SLC6A2: variants seen among roughly 807,000 people sequenced by gnomAD.
The protein encoded by SLC6A2 is sodium-dependent noradrenaline transporter.
A neutral mutation model predicts 71.7 loss-of-function variants in SLC6A2; 26 were observed. The ratio of observed to expected loss-of-function variants is 0.36; its 90% CI spans 0.27 to 0.50. The LOEUF is 0.50. Ranked by LOEUF, SLC6A2 falls within the 20% of genes least tolerant of loss-of-function variation. SLC6A2 has a pLI of 0.96. For missense variants in SLC6A2, 581 were observed against 803.9 expected, an observed-to-expected ratio of 0.72 and a Z score of 3.35; for synonymous variants, 363 against 337.9, an observed-to-expected ratio of 1.07 and a Z score of -0.82.
intron 4 of SLC6A2, among the ~76,000 whole-genome samples, chr16:55,681,803 G>A (rs1965280308): frequency 6.6e-6 from 1 of 152,246 alleles, no homozygotes; most frequent in Admixed American, 6.5e-5. Flanking sequence ...CCCTGCAGGT[G>A]TGTACAATGT....
intron 13 of SLC6A2, among the ~76,000 whole-genome samples, chr16:55,701,017 A>T (rs1203439903): frequency 6.6e-6 from 1 of 152,208 alleles, no homozygotes; most frequent in Non-Finnish European, 1.5e-5. Flanking sequence ...CAAAACAAAG[A>T]TGATTTCATT....
chr16:55,685,553 G>A (rs34417293), intron 5 of SLC6A2, among the ~76,000 whole-genome samples: 40,164 of 152,000 alleles, frequency 0.26, 6,125 homozygotes, highest in Admixed American at 0.34. Flanking sequence ...CTCCCTAATA[G>A]CAGAGACCAG....
intron 4 of SLC6A2, among the ~76,000 whole-genome samples, chr16:55,678,113 C>T (rs1965153285): frequency 6.6e-6 from 1 of 152,206 alleles, no homozygotes; most frequent in South Asian, 2.1e-4. Flanking sequence ...TTAATCTTCA[C>T]AGTTCATGGA....
intron 2 of SLC6A2, among the ~76,000 whole-genome samples, chr16:55,665,215 G>A (rs1964717176): frequency 6.6e-6 from 1 of 152,158 alleles, no homozygotes; most frequent in African/African-American, 2.4e-5. Flanking sequence ...TACTACAAAG[G>A]TCTCTTTGTC....
intron 13 of SLC6A2, 49 bp from the exon 14 acceptor site, chr16:55,701,814 G>A (rs1965978772): frequency 1.4e-6 from 2 of 1,442,452 alleles, no homozygotes; most frequent in African/African-American, 1.4e-5. Context: ...GCTGCCAGAA[G>A]GGTGTCCCTG....
At chr16:55,677,729 G>T (rs569494685) in intron 4 of SLC6A2, among the ~76,000 whole-genome samples, 1 of 151,900 alleles carries the variant, frequency 6.6e-6, no homozygotes, top group East Asian at 1.9e-4. Context: ...GCACAGTCTC[G>T]GCTCAATGCA....
rs1210362696 is a variant in SLC6A2, at chr16:55,706,167, A to G, written c.*3821A>G. 2 of 152,258 alleles carry G rather than the reference A, an allele frequency of 1.3e-5. No homozygotes were observed. The highest frequency in any genetic ancestry group is 2.4e-5 in the African/African-American group (1 of 41,470). The allele number at this position is 152,258 out of a possible 1,614,324, so 9.4% of individuals were successfully genotyped here. Reference sequence around the variant, plus strand: ...TTGTGGAATATAAGTGTACAGAATAATAAATAATGTTTCCTGGGCTGTGTA... The same window carrying G: ...TTGTGGAATATAAGTGTACAGAATAGTAAATAATGTTTCCTGGGCTGTGTA... On this transcript the variant is annotated 3_prime_UTR_variant, in exon 15 of 15. Transcript: ENST00000568943.
At chr16:55,665,018 G>T (rs2142497034) in intron 2 of SLC6A2, among the ~76,000 whole-genome samples, 1 of 152,292 alleles carries the variant, frequency 6.6e-6, no homozygotes, top group South Asian at 2.1e-4. Context: ...GGGCTGTGCT[G>T]CGGGAGGTGG....
rs754577163 is a variant in SLC6A2, at chr16:55,695,287, G to C, written c.1032G>C (p.Leu344=). The C allele has an allele frequency of 4.6e-5, 74 of 1,614,060 alleles. No homozygotes were observed. The highest frequency in any genetic ancestry group is 6.0e-5 in the Non-Finnish European group (71 of 1,180,026). Residue 344 remains leucine (L), a synonymous_variant, in exon 8 of 15, where the codon CTG becomes CTC. Coordinates refer to ENST00000568943, the MANE Select transcript of SLC6A2 (RefSeq NM_001172501.3). ...KFDNNCYRDA[L]LTSSINCITS... ...GTGCTTCTTCCCCCAGGGATGCCCT[G>C]CTGACCAGCAGCATCAACTGTATCA... is the stretch of plus-strand genomic sequence containing the variant.
intron 4 of SLC6A2, among the ~76,000 whole-genome samples, chr16:55,678,244 C>T (rs760817774): frequency 6.6e-6 from 1 of 152,018 alleles, no homozygotes; most frequent in Non-Finnish European, 1.5e-5. Context: ...GCCGCCCTTG[C>T]CCTTTCTGGC....
At chr16:55,698,229 G>A (rs1965861044) in intron 10 of SLC6A2, among the ~76,000 whole-genome samples, 1 of 152,104 alleles carries the variant, frequency 6.6e-6, no homozygotes, top group African/African-American at 2.4e-5. Flanking sequence ...ATTCAGCCCT[G>A]TTAATTGCTT....
chr16:55,693,521 T>G (rs1193605403), intron 6 of SLC6A2, among the ~76,000 whole-genome samples: 1 of 152,238 alleles, frequency 6.6e-6, no homozygotes, highest in Non-Finnish European at 1.5e-5. Flanking sequence ...TCTTCAGGCC[T>G]CCGGCCATGT....
In SLC6A2 at chr16:55,690,983, C is replaced by T. The variant is rs146966590; in HGVS notation, c.784-935C>T. ...CCTTTGTGTGTTTCTGAATAAGGTA[C>T]GTTGTCTGTGTCCCACATCTGTTCC... On this transcript the variant is annotated intron_variant, in intron 5 of 14. Transcript: ENST00000568943. Among the ~76,000 whole-genome samples, 834 of 152,092 alleles carry T rather than the reference C, an allele frequency of 5.5e-3. 5 individuals carry two copies. The highest frequency in any genetic ancestry group is 8.8e-3 in the Non-Finnish European group (600 of 67,996).
chr16:55,702,759 A>AT lies in SLC6A2; in HGVS notation c.*413_*414insT. ...CAGATACCCCTCCCAAAAAAAAAAA[A>AT]AACTAAAACTAAAGCAAAAATCAAA... On this transcript the variant is annotated 3_prime_UTR_variant, in exon 15 of 15. Transcript: ENST00000568943. The AT allele has an allele frequency of 9.5e-7, 1 of 1,047,370 alleles. No homozygotes were observed. 64.9% of individuals were successfully genotyped at this position (1,047,370 alleles called of 1,614,324 possible). A position where few individuals can be genotyped will look rare whatever the true frequency, so the allele number is the denominator to read the frequency against.
intron 4 of SLC6A2, among the ~76,000 whole-genome samples, chr16:55,677,126 A>G (rs936463150): frequency 3.9e-5 from 6 of 152,184 alleles, no homozygotes; most frequent in Non-Finnish European, 8.8e-5. Context: ...TGACATCTCT[A>G]TAGACTCATG....
rs562798928 is a variant in SLC6A2, at chr16:55,668,985, T to G, written c.275-580T>G. Among the ~76,000 whole-genome samples the G allele has an allele frequency of 5.9e-5, 9 of 152,268 alleles. No homozygotes were observed. The South Asian group carries it at 1.9e-3, about 32-fold the overall frequency. On this transcript the variant is annotated intron_variant, in intron 2 of 14. Transcript: ENST00000568943. Reference sequence around the variant, plus strand: ...GGGGTACGTAATGACCCTGACTGGTTATTATGTTTGCAGGCTGTTGTGAAA... The same window carrying G: ...GGGGTACGTAATGACCCTGACTGGTGATTATGTTTGCAGGCTGTTGTGAAA...
At chr16:55,694,674 A>C (rs1965738787) in intron 7 of SLC6A2, among the ~76,000 whole-genome samples, 1 of 152,248 alleles carries the variant, frequency 6.6e-6, no homozygotes, top group South Asian at 2.1e-4. Flanking sequence ...GACAGAGTCC[A>C]GTGAATTCAT....
In SLC6A2 at chr16:55,702,920, A is replaced by G; in HGVS notation, c.*574A>G. 4.0e-6 allele frequency: 4 copies of G among 989,308 alleles called. No individual in the cohort carries two copies. Among genetic ancestry groups the G allele is most frequent in the Non-Finnish European group, 4.8e-6 (4 of 832,390 alleles). 61.3% of individuals were successfully genotyped at this position (989,308 alleles called of 1,614,324 possible). ...TTTGTCTCTAAAATGAAGTCAGTGG[A>G]TAGATGCTTTGAGGGATTTTGAGTA... On this transcript the variant is annotated 3_prime_UTR_variant, in exon 15 of 15. Coordinates refer to ENST00000568943, the MANE Select transcript of SLC6A2 (RefSeq NM_001172501.3).
intron 2 of SLC6A2, among the ~76,000 whole-genome samples, chr16:55,657,694 G>C (rs1201427415): frequency 6.6e-6 from 1 of 152,164 alleles, no homozygotes; most frequent in Non-Finnish European, 1.5e-5. Flanking sequence ...CGCATTGCAG[G>C]GAGGAGTGGG....
Sources: allele counts gnomAD v4.1 joint callset (sites outside exome capture counted in the v4.1 genomes callset), GRCh38; gene constraint gnomAD v4.1.1; transcripts MANE v1.5; gene names NCBI Gene and HGNC (gene_info 2026-07-23, HGNC 2026-07-21).